The following FAM117B variants were observed in gnomAD, a reference collection of about 807,000 sequenced individuals.
FAM117B encodes the protein family with sequence similarity 117 member B.
In FAM117B, 22 loss-of-function variants were observed where a neutral mutation model predicts 52.8. The observed-to-expected ratio is 0.42, with a 90% CI of 0.30 to 0.59. The LOEUF is 0.59. Ranked by LOEUF, FAM117B falls within the 20% of genes least tolerant of loss-of-function variation. The pLI is 0.22. For missense variants in FAM117B, 678 were observed against 802.6 expected (o/e 0.84, Z 1.88); for synonymous variants, 309 against 324.1 (o/e 0.95, Z 0.50).
At chr2:202,706,542 G>T (rs1305757985) in intron 2 of FAM117B, among the ~76,000 whole-genome samples, 1 of 152,108 alleles carries the variant, frequency 6.6e-6, no homozygotes, top group Admixed American at 6.5e-5. Context: ...TAAACTAGAG[G>T]TATTTGTTGA....
At chr2:202,761,352 A>T (rs1347682765) in intron 7 of FAM117B, among the ~76,000 whole-genome samples, 1 of 152,072 alleles carries the variant, frequency 6.6e-6, no homozygotes, top group Non-Finnish European at 1.5e-5. Flanking sequence ...GCCTTAGACT[A>T]TTGCATTTGG....
At chr2:202,747,566 CAAA>C (rs901567461) in intron 4 of FAM117B, among the ~76,000 whole-genome samples, 1 of 151,558 alleles carries the variant, frequency 6.6e-6, no homozygotes, top group Non-Finnish European at 1.5e-5. Flanking sequence ...CAAAAGACTA[CAAA>C]AAAAATCACA....
chr2:202,740,173 CCAAAAAAAAAAAAAA>C (rs1311428202), intron 4 of FAM117B, among the ~76,000 whole-genome samples: 4 of 69,672 alleles, frequency 5.7e-5, no homozygotes, highest in African/African-American at 1.1e-4. Context: ...ACTTCATCCC[CCAAAAAAAAAAAAAA>C]AAAAAAAAAA....
At chr2:202,651,088 A>T (rs1296532340) in intron 1 of FAM117B, among the ~76,000 whole-genome samples, 2 of 144,306 alleles carry the variant, frequency 1.4e-5, no homozygotes, top group South Asian at 2.2e-4. Context: ...TTTAAGACGG[A>T]ATCTTGCTCA....
intron 2 of FAM117B, among the ~76,000 whole-genome samples, chr2:202,700,391 A>C (rs1690779199): frequency 6.6e-6 from 1 of 152,216 alleles, no homozygotes; most frequent in Admixed American, 6.5e-5. Context: ...AATATGGAAA[A>C]AGTTTTAGTG....
intron 2 of FAM117B, among the ~76,000 whole-genome samples, chr2:202,705,852 G>C (rs959647147): frequency 6.6e-6 from 1 of 152,190 alleles, no homozygotes; most frequent in Non-Finnish European, 1.5e-5. Context: ...ACTGTAGTGT[G>C]TATGTGTGCT....
At chr2:202,698,034 T>C (rs1371705955) in intron 2 of FAM117B, among the ~76,000 whole-genome samples, 2 of 151,932 alleles carry the variant, frequency 1.3e-5, no homozygotes, top group Non-Finnish European at 2.9e-5. Context: ...TACGCCCAGC[T>C]AATTTTTTGT....
intron 2 of FAM117B, among the ~76,000 whole-genome samples, chr2:202,707,199 A>G (rs374046977): frequency 6.7e-6 from 1 of 149,414 alleles, no homozygotes; most frequent in African/African-American, 2.5e-5. Context: ...ATGCCACCAC[A>G]CCTGGCTAAT....
chr2:202,635,273 G>T lies in FAM117B; in HGVS notation c.86G>T (p.Gly29Val). ...GGAVATAGGP[G>V]SRLQPMRATV... ...GCGGTGGCCACGGCCGGGGGACCCG[G>T]GAGCCGCTTGCAGCCCATGAGGGCG... The change falls in exon 1 of 8, where the codon GGG becomes GTG. Residue 29 changes from glycine (G) to valine (V), a missense_variant. Transcript: ENST00000392238. 7.1e-7 allele frequency: 1 copy of T among 1,402,344 alleles called. No homozygotes were observed. Among genetic ancestry groups the T allele is most frequent in the Non-Finnish European group, 9.3e-7 (1 of 1,074,790 alleles). The allele number at this position is 1,402,344 out of a possible 1,614,324, so 86.9% of individuals were successfully genotyped here.
chr2:202,753,275 C>G (rs1006504147), intron 4 of FAM117B, among the ~76,000 whole-genome samples: 2 of 152,134 alleles, frequency 1.3e-5, no homozygotes, highest in South Asian at 4.1e-4. Flanking sequence ...AGGAAAGGAT[C>G]TCCTATTCAG....
chr2:202,741,498 C>T (rs936740169), intron 4 of FAM117B, among the ~76,000 whole-genome samples: 2 of 139,660 alleles, frequency 1.4e-5, no homozygotes, highest in Non-Finnish European at 3.1e-5. Flanking sequence ...GATAGTATAT[C>T]TAGTTGGAAA....
At chr2:202,702,011 T>TACCC (rs1265251134) in intron 2 of FAM117B, among the ~76,000 whole-genome samples, 11 of 152,226 alleles carry the variant, frequency 7.2e-5, no homozygotes, top group African/African-American at 2.7e-4. Flanking sequence ...GGCAATATGC[T>TACCC]ACCCACGCAG....
chr2:202,673,859 C>G (rs565125316), intron 1 of FAM117B, among the ~76,000 whole-genome samples: 1 of 152,170 alleles, frequency 6.6e-6, no homozygotes. Context: ...TCCAGTGTGA[C>G]TTTTGCCTGA....
intron 7 of FAM117B, among the ~76,000 whole-genome samples, chr2:202,761,426 GAAGAA>G (rs895386821): frequency 7.9e-5 from 12 of 152,192 alleles, no homozygotes; most frequent in African/African-American, 2.9e-4. Context: ...TAAAGGGAGA[GAAGAA>G]AAGACCAGAG....
At chr2:202,685,871 G>C (rs1690531533) in intron 1 of FAM117B, among the ~76,000 whole-genome samples, 1 of 152,174 alleles carries the variant, frequency 6.6e-6, no homozygotes, top group Admixed American at 6.5e-5. Flanking sequence ...CCTTGGAGTA[G>C]GCAAAGGTCT....
At chr2:202,704,461 T>C (rs1233153175) in intron 2 of FAM117B, among the ~76,000 whole-genome samples, 2 of 152,184 alleles carry the variant, frequency 1.3e-5, no homozygotes, top group Non-Finnish European at 2.9e-5. Context: ...TGGGGCACTT[T>C]TAGCAGTTAT....
At position 202,731,368 on chromosome 2, in the gene FAM117B, T is replaced by TATATATATATATATATATATATATAG. The variant is rs780138718; in HGVS notation, c.960+5005_960+5006insATATATATATATATATATATATATAG. 4.3e-4 allele frequency among the ~76,000 whole-genome samples: 41 copies of TATATATATATATATATATATATATAG among 95,832 alleles called. 6 individuals carry two copies. Among genetic ancestry groups the TATATATATATATATATATATATATAG allele is most frequent in the Non-Finnish European group, 8.3e-4 (38 of 45,810 alleles). The allele number at this position is 95,832 out of a possible 152,430, so 62.9% of individuals were successfully genotyped here. On this transcript the variant is annotated intron_variant, in intron 4 of 7. Transcript: ENST00000392238. ...ATATATATATATATATATATATATA[T>TATATATATATATATATATATATATAG]GGAGAGAGAGAGAAGCTCCTTCTCA...
At chr2:202,687,734 T>C (rs907403241) in intron 1 of FAM117B, among the ~76,000 whole-genome samples, 8 of 152,216 alleles carry the variant, frequency 5.3e-5, no homozygotes, top group African/African-American at 1.9e-4. Flanking sequence ...TTTATGTAAA[T>C]GATACCTCAT....
chr2:202,642,644 A>G (rs1409550789), intron 1 of FAM117B, among the ~76,000 whole-genome samples: 1 of 152,298 alleles, frequency 6.6e-6, no homozygotes, highest in Non-Finnish European at 1.5e-5. Context: ...ATAATTTTCT[A>G]GATTGTGGCA....
Sources: gnomAD v4.1 joint callset for allele counts (sites outside exome capture counted in the v4.1 genomes callset) on GRCh38, gnomAD v4.1.1 for gene constraint, MANE v1.5 for transcripts, NCBI Gene and HGNC (gene_info 2026-07-23, HGNC 2026-07-21) for gene names.